The following PTPRN2 variants were observed in gnomAD, a reference collection of about 807,000 sequenced individuals.
The protein encoded by PTPRN2 is receptor-type tyrosine-protein phosphatase N2.
Under a neutral mutation model 118.8 loss-of-function variants are expected in PTPRN2, and 74 were observed. The ratio of observed to expected loss-of-function variants is 0.62; its 90% CI spans 0.52 to 0.76. PTPRN2 has a LOEUF of 0.76. Ranked by LOEUF, PTPRN2 falls within the 30% of genes least tolerant of loss-of-function variation. The pLI, the probability that PTPRN2 is intolerant of heterozygous loss-of-function variation, is 0.00. For missense variants in PTPRN2, 1,481 were observed against 1,394.4 expected, an observed-to-expected ratio of 1.06 and a Z score of -0.99; for synonymous variants, 641 against 608.0, an observed-to-expected ratio of 1.05 and a Z score of -0.80.
intron 12 of PTPRN2, among the ~76,000 whole-genome samples, chr7:157,837,739 A>T (rs977905454): frequency 1.3e-5 from 2 of 151,990 alleles, no homozygotes; most frequent in African/African-American, 4.8e-5. Context: ...ACAGGGCAGG[A>T]CTCACATCCT....
At chr7:158,523,492 TCGTCTGCCCTGGAGTG>T (rs1824410982) in intron 1 of PTPRN2, among the ~76,000 whole-genome samples, 1 of 65,996 alleles carries the variant, frequency 1.5e-5, no homozygotes, top group Non-Finnish European at 3.1e-5. Flanking sequence ...TGGAGTGGAG[TCGTCTGCCCTGGAGTG>T]GAGTCGTCTG....
chr7:158,444,680 G>A (rs1280032917), intron 2 of PTPRN2, among the ~76,000 whole-genome samples: 3 of 152,136 alleles, frequency 2.0e-5, no homozygotes, highest in East Asian at 3.8e-4. Context: ...AACTGGCTGC[G>A]GCCTTTCCTG....
intron 3 of PTPRN2, among the ~76,000 whole-genome samples, chr7:158,270,914 A>G (rs1254023195): frequency 1.2e-4 from 1 of 8,670 alleles, no homozygotes; most frequent in African/African-American, 5.0e-4. Context: ...CACCCCCCCC[A>G]CCTGGACCAC....
chr7:157,649,586 GGACCCA>G (rs1805481554), intron 14 of PTPRN2, among the ~76,000 whole-genome samples: 1 of 88,484 alleles, frequency 1.1e-5, no homozygotes, highest in Non-Finnish European at 2.5e-5. Flanking sequence ...TCGGTGGGTC[GGACCCA>G]TTCACTGTGC....
At position 158,400,213 on chromosome 7, in the gene PTPRN2, C is replaced by T. The variant is rs184698875; in HGVS notation, c.164-83281G>A. ...TCAAGAATTTTGCCAAAAGAAATGA[C>T]GTAACTGATGGATATTTTTTGAAGA... On this transcript the variant is annotated intron_variant, in intron 2 of 22. Transcript: ENST00000389418. Among the ~76,000 whole-genome samples the T allele has an allele frequency of 9.9e-5, 15 of 152,200 alleles. 1 individual carries two copies. Among genetic ancestry groups the T allele is most frequent in the African/African-American group, 2.9e-4 (12 of 41,518 alleles).
At chr7:158,553,340 T>C (rs1826784458) in intron 1 of PTPRN2, among the ~76,000 whole-genome samples, 1 of 149,588 alleles carries the variant, frequency 6.7e-6, no homozygotes, top group African/African-American at 2.5e-5. Flanking sequence ...ACCTGTAGGC[T>C]TGGGAGTCTA....
intron 11 of PTPRN2, among the ~76,000 whole-genome samples, chr7:158,066,867 G>A (rs1442448736): frequency 2.0e-5 from 3 of 152,174 alleles, no homozygotes; most frequent in Non-Finnish European, 4.4e-5. Context: ...TCTGCAGAGA[G>A]AAACACTTCC....
At position 158,363,694 on chromosome 7, in the gene PTPRN2, G is replaced by A. The variant is rs182801139; in HGVS notation, c.164-46762C>T. On this transcript the variant is annotated intron_variant, in intron 2 of 22. Transcript: ENST00000389418. Reference sequence around the variant, plus strand: ...ACACTTAGGGTGTCCCAGGGCGCTCGGCCCCCAGAGCTCTGAGGTGAGAGA... The same window carrying A: ...ACACTTAGGGTGTCCCAGGGCGCTCAGCCCCCAGAGCTCTGAGGTGAGAGA... Among the ~76,000 whole-genome samples, 647 of 152,274 alleles carry A rather than the reference G, an allele frequency of 4.2e-3. 2 individuals carry two copies. Among genetic ancestry groups the A allele is most frequent in the Non-Finnish European group, 7.3e-3 (495 of 68,010 alleles).
chr7:158,340,975 T>C (rs1386068731), intron 2 of PTPRN2, among the ~76,000 whole-genome samples: 2 of 77,402 alleles, frequency 2.6e-5, no homozygotes, highest in Non-Finnish European at 5.6e-5. Flanking sequence ...CAGATGTCAC[T>C]CACACCCACA....
chr7:158,257,180 C>T (rs879453546), intron 3 of PTPRN2, among the ~76,000 whole-genome samples: 5 of 152,246 alleles, frequency 3.3e-5, no homozygotes, highest in Admixed American at 2.6e-4. Context: ...GGTCAGCAGG[C>T]GGGGTTTGCC....
chr7:158,180,435 T>G (rs1824602076), intron 5 of PTPRN2, among the ~76,000 whole-genome samples: 2 of 152,220 alleles, frequency 1.3e-5, no homozygotes, highest in African/African-American at 4.8e-5. Flanking sequence ...TTCTTTTTGT[T>G]TAGGATTGCT....
At position 157,686,559 on chromosome 7, in the gene PTPRN2, C is replaced by T. The variant is rs538670851; in HGVS notation, c.1789-3622G>A. 2.6e-4 allele frequency among the ~76,000 whole-genome samples: 39 copies of T among 152,328 alleles called. No homozygotes were observed. In the East Asian group the frequency reaches 7.5e-3, roughly 29 times the overall value. ...GCGCCATCTCCCCCATGGGCACCGA[C>T]CCCCCAAGGCTGCACCACGGCGGGT... On this transcript the variant is annotated intron_variant, in intron 12 of 22. Coordinates refer to ENST00000389418, the MANE Select transcript of PTPRN2 (RefSeq NM_002847.5).
At chr7:158,514,275 G>A (rs554219013) in intron 1 of PTPRN2, among the ~76,000 whole-genome samples, 13 of 152,278 alleles carry the variant, frequency 8.5e-5, no homozygotes, top group South Asian at 4.2e-4. Flanking sequence ...CATTCTCCTC[G>A]TTTATCAATG....
chr7:158,201,759 C>T (rs934208942), intron 4 of PTPRN2, among the ~76,000 whole-genome samples: 1 of 152,188 alleles, frequency 6.6e-6, no homozygotes, highest in Non-Finnish European at 1.5e-5. Context: ...ATAAACTCAA[C>T]GAGTTGTCAA....
In PTPRN2 at chr7:157,555,999, T is replaced by C. The variant is rs190126395; in HGVS notation, c.2903-6980A>G. ...CTGAAGGGCACAGACACCCCATCTT[T>C]CTAGCTCTCCATGTCAGCCGAGGTG... is the stretch of plus-strand genomic sequence containing the variant. On this transcript the variant is annotated intron_variant, in intron 21 of 22. Coordinates refer to ENST00000389418, the MANE Select transcript of PTPRN2 (RefSeq NM_002847.5). Among the ~76,000 whole-genome samples the C allele has an allele frequency of 3.6e-4, 55 of 152,296 alleles. 1 individual carries two copies. Among genetic ancestry groups the C allele is most frequent in the Admixed American group, 3.4e-3 (52 of 15,304 alleles).
chr7:158,454,264 G>C (rs112493104), intron 2 of PTPRN2, among the ~76,000 whole-genome samples: 1 of 148,726 alleles, frequency 6.7e-6, no homozygotes, highest in Non-Finnish European at 1.5e-5. Flanking sequence ...TCACTGATGT[G>C]AGGATTGGGG....
chr7:158,336,220 G>A (rs373685895), intron 2 of PTPRN2, among the ~76,000 whole-genome samples: 10 of 43,478 alleles, frequency 2.3e-4, no homozygotes, highest in African/African-American at 6.2e-4. Flanking sequence ...AAGAGCCGAC[G>A]CCCGCAGACA....
At position 157,676,905 on chromosome 7, in the gene PTPRN2, C is replaced by T. The variant is rs145478336; in HGVS notation, c.2001+5820G>A. On this transcript the variant is annotated intron_variant, in intron 13 of 22. Transcript: ENST00000389418. The surrounding 1 kb of genome is among the most constrained non-coding windows in gnomAD (Gnocchi z 5.6). ...AGAAGGAAGTGTTCTCTGGTTCTGG[C>T]AGAGAAATGTGTGAGGCGGACTGGT... Among the ~76,000 whole-genome samples, 30 of 150,856 alleles carry T rather than the reference C, an allele frequency of 2.0e-4. No homozygotes were observed. The East Asian group carries it at 5.8e-3, about 29-fold the overall frequency.
intron 9 of PTPRN2, among the ~76,000 whole-genome samples, chr7:158,130,266 G>A (rs545891996): frequency 2.0e-5 from 3 of 152,322 alleles, no homozygotes; most frequent in East Asian, 1.9e-4. Flanking sequence ...CACCTCCAGT[G>A]CGAATGATCC....
Sources: gnomAD v4.1 joint callset for allele counts (sites outside exome capture counted in the v4.1 genomes callset) on GRCh38, gnomAD v4.1.1 for gene constraint, Gnocchi (gnomAD v3.1) non-coding constraint, MANE v1.5 for transcripts, NCBI Gene and HGNC (gene_info 2026-07-23, HGNC 2026-07-21) for gene names.